RNF145: variants seen among roughly 807,000 people sequenced by gnomAD.
RNF145 encodes the protein ring finger protein 145.
Under a neutral mutation model 57.3 loss-of-function variants are expected in RNF145, and 12 were observed. The ratio of observed to expected loss-of-function variants is 0.21; its 90% CI spans 0.13 to 0.34. The LOEUF (loss-of-function observed/expected upper bound fraction) is 0.34, where lower values mean the gene tolerates loss of function less well. Among genes scored for constraint, RNF145 ranks in the 10% least tolerant of loss-of-function variants. The pLI is 1.00. For synonymous variants in RNF145, 262 were observed against 288.3 expected, an observed-to-expected ratio of 0.91 and a Z score of 0.92; for missense variants, 429 against 799.0, an observed-to-expected ratio of 0.54 and a Z score of 5.58.
Position 159,176,721 on chromosome 5 carries a change from A to T in RNF145, c.532T>A (p.Phe178Ile). Residue 178 changes from phenylalanine to isoleucine, a missense_variant, in exon 5 of 11, where the codon TTT (phenylalanine) becomes ATT (isoleucine). Phe to Ile is a conservative substitution (Grantham distance 21, BLOSUM62 0). Around this residue, in one of 4 missense-constraint regions of RNF145, gnomAD observed 109 missense variants for 207.2 expected, o/e 0.53. Transcript: ENST00000424310. ...IVIINKFAMIFTGLEVLYFLG... is the reference protein window; with the variant it reads ...IVIINKFAMIITGLEVLYFLG... ...AAATAGAGAACTTCCAATCCAGTAA[A>T]AATCATAGCAAATTTATTGATGATA... 1 of 1,612,216 alleles carries T rather than the reference A, an allele frequency of 6.2e-7. No homozygotes were observed. The highest frequency in any genetic ancestry group is 1.1e-5 in the South Asian group (1 of 91,024).
chr5:159,167,871 T>A (rs1311048004), intron 8 of RNF145, among the ~76,000 whole-genome samples: 1 of 152,216 alleles, frequency 6.6e-6, no homozygotes, highest in Non-Finnish European at 1.5e-5. Context: ...ATGAATCTGA[T>A]GTACTATAAT....
At chr5:159,180,334 C>A (rs1055032467) in intron 4 of RNF145, among the ~76,000 whole-genome samples, 1 of 152,070 alleles carries the variant, frequency 6.6e-6, no homozygotes, top group South Asian at 2.1e-4. Flanking sequence ...CTTTTCTCAG[C>A]TCCTGGGAAT....
chr5:159,208,135 C>A, intron 1 of RNF145: 2 of 1,428,512 alleles, frequency 1.4e-6, no homozygotes, highest in Admixed American at 5.7e-5. Context: ...CCTCCCACAA[C>A]GCCTGCAGAT....
chr5:159,162,791 T>C (rs1784273765), intron 9 of RNF145, 141 bp downstream of exon 9: 1 of 627,840 alleles, frequency 1.6e-6, no homozygotes. Flanking sequence ...ATAAATGTAA[T>C]GTGTTCTAGT....
Position 159,160,409 on chromosome 5 carries a change from A to C in RNF145, c.1626+857T>G, listed in dbSNP as rs917139961. 2.0e-5 allele frequency among the ~76,000 whole-genome samples: 3 copies of C among 152,334 alleles called. No individual in the cohort carries two copies. The East Asian group carries it at 5.8e-4, about 29-fold the overall frequency. On this transcript the variant is annotated intron_variant, in intron 10 of 10. Coordinates refer to ENST00000424310, the MANE Select transcript of RNF145 (RefSeq NM_001199383.2). ...CACAAATTTAAATATACACAAATACATACATACCCCACCTAAACTACAAAA... is the reference window on the plus strand; with the variant it reads ...CACAAATTTAAATATACACAAATACCTACATACCCCACCTAAACTACAAAA...
chr5:159,191,332 T>C (rs965768134), intron 3 of RNF145, among the ~76,000 whole-genome samples: 7 of 152,192 alleles, frequency 4.6e-5, no homozygotes, highest in African/African-American at 1.4e-4. Context: ...ATGAACTAGA[T>C]TGTGAAAACA....
intron 4 of RNF145, among the ~76,000 whole-genome samples, chr5:159,181,158 GAAAATA>G (rs1411169923): frequency 1.5e-3 from 231 of 149,176 alleles, no homozygotes; most frequent in African/African-American, 5.3e-3. Context: ...TTTAATGTAA[GAAAATA>G]AAAATAAAAG....
intron 3 of RNF145, among the ~76,000 whole-genome samples, chr5:159,187,735 T>TGGG (rs1785129187): frequency 6.6e-6 from 1 of 152,192 alleles, no homozygotes; most frequent in South Asian, 2.1e-4. Flanking sequence ...AGGGTATCAC[T>TGGG]GGGGTCTAGT....
At chr5:159,182,728 ACT>A (rs1784932879) in intron 3 of RNF145, among the ~76,000 whole-genome samples, 1 of 152,140 alleles carries the variant, frequency 6.6e-6, no homozygotes, top group Non-Finnish European at 1.5e-5. Flanking sequence ...GCCTTTACAC[ACT>A]CAGAAAACAG....
intron 2 of RNF145, 111 bp from the exon 3 acceptor site, chr5:159,194,935 G>C: frequency 1.4e-6 from 1 of 733,406 alleles, no homozygotes; most frequent in Non-Finnish European, 2.2e-6. Flanking sequence ...AGTACTTTCT[G>C]AGGTTTTTTA....
intron 3 of RNF145, 105 bp downstream of exon 3, chr5:159,194,611 A>G (rs902028601): frequency 1.3e-6 from 1 of 745,820 alleles, no homozygotes; most frequent in Non-Finnish European, 2.3e-6. Flanking sequence ...TTTTGGACCT[A>G]CCAAAGCCTT....
intron 3 of RNF145, among the ~76,000 whole-genome samples, chr5:159,191,007 G>A (rs566775500): frequency 3.3e-5 from 5 of 151,286 alleles, no homozygotes; most frequent in South Asian, 4.2e-4. Flanking sequence ...CCAATCTTTC[G>A]GTTTCCCTGA....
intron 5 of RNF145, among the ~76,000 whole-genome samples, chr5:159,175,638 G>A (rs567743783): frequency 2.6e-4 from 40 of 152,180 alleles, no homozygotes; most frequent in Middle Eastern, 3.4e-3. Context: ...TTCACTGACT[G>A]TAGAAATAAT....
In RNF145 at chr5:159,194,686, T is replaced by C. The variant is rs770050602; in HGVS notation, c.293+30A>G. The C allele has an allele frequency of 3.8e-6, 5 of 1,305,262 alleles. No individual in the cohort carries two copies. In the East Asian group the frequency reaches 6.9e-5, roughly 18 times the overall value. 80.9% of individuals were successfully genotyped at this position (1,305,262 alleles called of 1,614,324 possible). A position where few individuals can be genotyped will look rare whatever the true frequency, so the allele number is the denominator to read the frequency against. Reference sequence around the variant, plus strand: ...CAAAAGAAAACTTTAAATTCAATCATACATTTCAAAAATGGGGTCATATTC... The same window carrying C: ...CAAAAGAAAACTTTAAATTCAATCACACATTTCAAAAATGGGGTCATATTC... On this transcript the variant is annotated intron_variant, in intron 3 of 10. Transcript: ENST00000424310.
At chr5:159,188,644 T>C (rs2113187702) in intron 3 of RNF145, among the ~76,000 whole-genome samples, 1 of 152,312 alleles carries the variant, frequency 6.6e-6, no homozygotes, top group Admixed American at 6.5e-5. Context: ...AATTTTAAAC[T>C]GACATTTACC....
intron 4 of RNF145, among the ~76,000 whole-genome samples, chr5:159,177,125 T>C (rs1209255111): frequency 6.6e-6 from 1 of 152,106 alleles, no homozygotes; most frequent in Non-Finnish European, 1.5e-5. Flanking sequence ...TCGTCTGTGA[T>C]GCCATGTGTA....
rs1361798669 is a variant in RNF145 at position 159,159,037 on chromosome 5, TAA to T, written c.1627-4_1627-3del. 1.9e-6 allele frequency: 3 copies of T among 1,605,534 alleles called. No homozygotes were observed. Among genetic ancestry groups the T allele is most frequent in the Non-Finnish European group, 2.6e-6 (3 of 1,174,774 alleles). Reference sequence around the variant, plus strand: ...CGTGATCACAGCAGATTTCATGTCCTAAAAGAGGGGGAAAAAAGATACCTTAT... The same window carrying T: ...CGTGATCACAGCAGATTTCATGTCCTAAGAGGGGGAAAAAAGATACCTTAT... On this transcript the variant is annotated splice_polypyrimidine_tract_variant and splice_region_variant and intron_variant, in intron 10 of 10. Coordinates refer to ENST00000424310, the MANE Select transcript of RNF145 (RefSeq NM_001199383.2).
upstream of RNF145, chr5:159,209,833 G>T: frequency 6.5e-7 from 1 of 1,535,468 alleles, no homozygotes; most frequent in Non-Finnish European, 8.7e-7. Context: ...CGGGCCGCAA[G>T]CGCTCACACC....
intron 3 of RNF145, among the ~76,000 whole-genome samples, chr5:159,185,364 GC>G (rs1015238236): frequency 1.3e-5 from 2 of 152,100 alleles, no homozygotes; most frequent in African/African-American, 4.8e-5. Context: ...GAGGATCTGG[GC>G]ATCCCATCCC....
Sources: allele counts gnomAD v4.1 joint callset (sites outside exome capture counted in the v4.1 genomes callset), GRCh38; gene constraint gnomAD v4.1.1; regional missense constraint gnomAD v4.1.1; transcripts MANE v1.5; gene names NCBI Gene and HGNC (gene_info 2026-07-23, HGNC 2026-07-21).